The following RAPGEF4 variants were observed in gnomAD, a reference collection of about 807,000 sequenced individuals.
RAPGEF4 encodes the protein RAP guanine-nucleotide-exchange factor (GEF) 4.
RAPGEF4 carries 66 observed loss-of-function variants against 147.9 expected under a neutral mutation model. That is an observed-to-expected ratio of 0.45 (90% CI 0.37 to 0.55). The LOEUF (loss-of-function observed/expected upper bound fraction) is 0.55. RAPGEF4 is among the 20% of genes least tolerant of loss of function. The pLI is 0.00. For synonymous variants in RAPGEF4, 419 were observed against 442.7 expected (o/e 0.95, Z 0.67); for missense variants, 1,071 against 1,257.3 (o/e 0.85, Z 2.24).
At chr2:172,827,074 C>T (rs540833966) in intron 4 of RAPGEF4, among the ~76,000 whole-genome samples, 5 of 152,216 alleles carry the variant, frequency 3.3e-5, no homozygotes, top group African/African-American at 1.2e-4. Flanking sequence ...CATTTTCTTT[C>T]CTTCCTCACC....
At chr2:172,776,600 C>T (rs1433038857) in intron 1 of RAPGEF4, among the ~76,000 whole-genome samples, 1 of 152,094 alleles carries the variant, frequency 6.6e-6, no homozygotes, top group African/African-American at 2.4e-5. Context: ...GCTATTGAGT[C>T]TCTAATTGTT....
chr2:172,895,071 T>C (rs1256394505), intron 4 of RAPGEF4, among the ~76,000 whole-genome samples: 1 of 152,084 alleles, frequency 6.6e-6, no homozygotes, highest in African/African-American at 2.4e-5. Flanking sequence ...GGGGAGCGAT[T>C]TGTTGTTACT....
intron 4 of RAPGEF4, among the ~76,000 whole-genome samples, chr2:172,853,638 T>C (rs911063081): frequency 2.0e-5 from 3 of 151,988 alleles, no homozygotes; most frequent in African/African-American, 7.2e-5. Flanking sequence ...GGGTCATCGC[T>C]TTTATACCTT....
intron 16 of RAPGEF4, among the ~76,000 whole-genome samples, chr2:172,999,984 G>A (rs139280634): frequency 8.6e-4 from 131 of 152,200 alleles, no homozygotes; most frequent in African/African-American, 2.9e-3. Context: ...TTAAACTACT[G>A]GATATTACAG....
chr2:172,850,024 C>T (rs1017106710), intron 4 of RAPGEF4, among the ~76,000 whole-genome samples: 7 of 152,072 alleles, frequency 4.6e-5, no homozygotes, highest in African/African-American at 1.7e-4. Context: ...AGACCTTTGC[C>T]CTCTTCGTGC....
At chr2:173,020,786 C>A in intron 23 of RAPGEF4, 71 bp downstream of exon 23, 3 of 1,216,622 alleles carry the variant, frequency 2.5e-6, no homozygotes, top group South Asian at 2.6e-5. Context: ...ATTTTGCAGT[C>A]ACACTGAACC....
rs2105432641 is a variant in RAPGEF4, at chr2:172,957,010, T to C, written c.538-3750T>C. Among the ~76,000 whole-genome samples, 4 of 152,274 alleles carry C rather than the reference T, an allele frequency of 2.6e-5. No individual in the cohort carries two copies. In the South Asian group the frequency reaches 8.3e-4, roughly 32 times the overall value. Reference sequence around the variant, plus strand: ...AGAAAACTGCAGGTGGATGGGGTCATTGTACCTGCAGTGGAGACACTGGAG... The same window carrying C: ...AGAAAACTGCAGGTGGATGGGGTCACTGTACCTGCAGTGGAGACACTGGAG... On this transcript the variant is annotated intron_variant, in intron 6 of 30. Coordinates refer to ENST00000397081, the MANE Select transcript of RAPGEF4 (RefSeq NM_007023.4).
chr2:172,896,750 C>G (rs973625784), intron 4 of RAPGEF4, among the ~76,000 whole-genome samples: 3 of 152,192 alleles, frequency 2.0e-5, no homozygotes, highest in Admixed American at 6.5e-5. Context: ...CAAACAAAGA[C>G]AAGCTTGTTG....
At chr2:173,008,390 C>T (rs1341144639) in intron 17 of RAPGEF4, among the ~76,000 whole-genome samples, 2 of 152,062 alleles carry the variant, frequency 1.3e-5, no homozygotes, top group East Asian at 1.9e-4. Flanking sequence ...CGTTATAAAC[C>T]TTAAAGTCCC....
chr2:172,983,003 A>G (rs1467612089), intron 10 of RAPGEF4, among the ~76,000 whole-genome samples: 2 of 152,224 alleles, frequency 1.3e-5, no homozygotes, highest in African/African-American at 4.8e-5. Context: ...TCCTTCGGAA[A>G]AAATACATTT....
intron 26 of RAPGEF4, among the ~76,000 whole-genome samples, chr2:173,033,038 G>A (rs539039776): frequency 1.3e-5 from 2 of 152,200 alleles, no homozygotes; most frequent in Non-Finnish European, 2.9e-5. Flanking sequence ...CAGGAACTAA[G>A]CAAAGTAGGA....
chr2:172,967,232 G>A (rs1488620045), intron 9 of RAPGEF4, 29 bp from the exon 10 acceptor site: 5 of 1,598,688 alleles, frequency 3.1e-6, no homozygotes, highest in Non-Finnish European at 4.3e-6. Context: ...AGGTGCTGCA[G>A]CTGACACGTG....
intron 2 of RAPGEF4, among the ~76,000 whole-genome samples, chr2:172,796,069 A>G (rs994002492): frequency 1.3e-5 from 2 of 152,198 alleles, no homozygotes; most frequent in African/African-American, 4.8e-5. Flanking sequence ...ATCACTTGCA[A>G]AAATAATGGG....
intron 4 of RAPGEF4, among the ~76,000 whole-genome samples, chr2:172,857,396 A>G (rs1693546847): frequency 6.6e-6 from 1 of 152,214 alleles, no homozygotes; most frequent in Admixed American, 6.5e-5. Context: ...TTCCTTATGC[A>G]CCAGACTCAT....
chr2:172,737,608 T>G (rs1693918265), intron 1 of RAPGEF4, among the ~76,000 whole-genome samples: 2 of 152,132 alleles, frequency 1.3e-5, no homozygotes, highest in African/African-American at 4.8e-5. Context: ...CTCTCTCTTT[T>G]CATAATGTGT....
At chr2:172,812,251 G>T (rs1447394817) in intron 3 of RAPGEF4, among the ~76,000 whole-genome samples, 2 of 152,150 alleles carry the variant, frequency 1.3e-5, no homozygotes, top group Admixed American at 6.5e-5. Flanking sequence ...TAGAAGAATT[G>T]ATTCCTGAAA....
In RAPGEF4 at chr2:173,026,689, G is replaced by A. The variant is rs533384493; in HGVS notation, c.2371G>A (p.Val791Met). ...TTATGATTGGGAACTCTTCAACTGC[G>A]TGCATGAGGTAAGATGCAGGATCAG... ...TIYDWELFNC[V>M]HELELIYHTF... Residue 791 changes from valine (V) to methionine (M), a missense_variant, in exon 24 of 31, where the codon GTG (valine) becomes ATG (methionine). By Grantham distance (21) the Val-to-Met change is conservative (BLOSUM62 1). Transcript: ENST00000397081. The A allele has an allele frequency of 4.6e-5, 75 of 1,613,568 alleles. No homozygotes were observed. Among genetic ancestry groups the A allele is most frequent in the Middle Eastern group, 1.6e-4 (1 of 6,084 alleles).
intron 1 of RAPGEF4, among the ~76,000 whole-genome samples, chr2:172,737,040 GA>G (rs1300192252): frequency 6.6e-6 from 1 of 152,226 alleles, no homozygotes; most frequent in Non-Finnish European, 1.5e-5. Context: ...GATCAAACTT[GA>G]AAATCTTAAG....
chr2:172,758,643 G>A (rs1388623870), intron 1 of RAPGEF4, among the ~76,000 whole-genome samples: 1 of 152,212 alleles, frequency 6.6e-6, no homozygotes, highest in African/African-American at 2.4e-5. Context: ...GAATGTGGAA[G>A]TGTATGGGAA....
Sources: allele counts gnomAD v4.1 joint callset (sites outside exome capture counted in the v4.1 genomes callset), GRCh38; gene constraint gnomAD v4.1.1; transcripts MANE v1.5; gene names NCBI Gene and HGNC (gene_info 2026-07-23, HGNC 2026-07-21).